The following PPIL2 variants were observed in gnomAD, a reference collection of about 807,000 sequenced individuals.
PPIL2 encodes the protein RING-type E3 ubiquitin-protein ligase PPIL2.
A neutral mutation model predicts 75.2 loss-of-function variants in PPIL2; 50 were observed. That is an observed-to-expected ratio of 0.66 (90% CI 0.53 to 0.84). The LOEUF (loss-of-function observed/expected upper bound fraction) is 0.84. Among genes scored for constraint, PPIL2 ranks in the 40% least tolerant of loss-of-function variants. The pLI is 0.00. For synonymous variants in PPIL2, 245 were observed against 258.8 expected, an observed-to-expected ratio of 0.95 and a Z score of 0.51; for missense variants, 590 against 685.0, an observed-to-expected ratio of 0.86 and a Z score of 1.55.
chr22:21,682,102 C>T (rs1008252059), intron 7 of PPIL2, among the ~76,000 whole-genome samples: 17 of 152,226 alleles, frequency 1.1e-4, no homozygotes, highest in African/African-American at 4.1e-4. Context: ...CCCACGGGGG[C>T]CTGGCACCAT....
At position 21,686,895 on chromosome 22, in the gene PPIL2, C is replaced by T. The variant is rs1311913395; in HGVS notation, c.794C>T (p.Ala265Val). Residue 265 changes from alanine (A) to valine (V), a missense_variant, in exon 12 of 20, where the codon GCC becomes GTC. Physicochemically the swap from Ala to Val is moderately conservative, Grantham distance 64. Transcript: ENST00000398831. ...MVPETTHEAA[A>V]IDEDVLRYQF... is the part of the protein sequence containing the mutation. ...GAGCTGGGACCTTGGCTTGTAGCTGCCATCGACGAGGATGTGCTGCGCTAC... is the reference window on the plus strand; with the variant it reads ...GAGCTGGGACCTTGGCTTGTAGCTGTCATCGACGAGGATGTGCTGCGCTAC... 1 of 1,613,904 alleles carries T rather than the reference C, an allele frequency of 6.2e-7. No homozygotes were observed.
At chr22:21,681,022 A>G (rs1273523754) in intron 6 of PPIL2, among the ~76,000 whole-genome samples, 1 of 152,060 alleles carries the variant, frequency 6.6e-6, no homozygotes, top group Non-Finnish European at 1.5e-5. Flanking sequence ...GGAGGAGGCT[A>G]GCATGGTGAT....
At chr22:21,675,949 CT>C (rs1342820743) in intron 6 of PPIL2, among the ~76,000 whole-genome samples, 1 of 152,276 alleles carries the variant, frequency 6.6e-6, no homozygotes, top group Non-Finnish European at 1.5e-5. Context: ...CAGCCCACCC[CT>C]GCCCAGGTGG....
In PPIL2 at chr22:21,696,749, A is replaced by G. The variant is rs1370046721; in HGVS notation, c.*1259A>G. On this transcript the variant is annotated 3_prime_UTR_variant, in exon 20 of 20. Coordinates refer to ENST00000398831, the MANE Select transcript of PPIL2 (RefSeq NM_014337.4). ...GCCCCAAATCTTGAACCTGTCAGCA[A>G]CTTGCAGGCTGTACCTCTGCCCTTC... 1.3e-6 allele frequency: 2 copies of G among 1,541,304 alleles called. No homozygotes were observed. Among genetic ancestry groups the G allele is most frequent in the Admixed American group, 2.0e-5 (1 of 51,000 alleles).
rs1601615179 is a variant in PPIL2 at position 21,697,079 on chromosome 22, G to A, written c.*1589G>A. The A allele has an allele frequency of 9.1e-6, 12 of 1,321,132 alleles. No individual in the cohort carries two copies. The highest frequency in any genetic ancestry group is 2.6e-4 in the Middle Eastern group (1 of 3,824). 81.8% of individuals were successfully genotyped at this position (1,321,132 alleles called of 1,614,324 possible). ...CCTGGGCTCTAGAGTGACTTTTGAC[G>A]CCCTCCATCCCTCCCGCCAGGCACT... On this transcript the variant is annotated 3_prime_UTR_variant, in exon 20 of 20. Transcript: ENST00000398831.
intron 15 of PPIL2, among the ~76,000 whole-genome samples, chr22:21,693,150 C>T (rs2067755710): frequency 1.3e-5 from 2 of 151,990 alleles, no homozygotes; most frequent in Non-Finnish European, 2.9e-5. Flanking sequence ...CAGGTTAAAG[C>T]GATTCTCCTG....
In PPIL2 at chr22:21,697,124, G is replaced by A; in HGVS notation, c.*1634G>A. 1 of 877,872 alleles carries A rather than the reference G, an allele frequency of 1.1e-6. No individual in the cohort carries two copies. The highest frequency in any genetic ancestry group is 1.7e-6 in the Non-Finnish European group (1 of 585,776). The allele number at this position is 877,872 out of a possible 1,614,324, so 54.4% of individuals were successfully genotyped here. On this transcript the variant is annotated 3_prime_UTR_variant, in exon 20 of 20. Coordinates refer to ENST00000398831, the MANE Select transcript of PPIL2 (RefSeq NM_014337.4). ...GGCACTGTCCTCCGCAAGGCCTGGT[G>A]CAGCCCTGGCAGTAACTGGCTTGTA...
In PPIL2 at chr22:21,696,792, T is replaced by G; in HGVS notation, c.*1302T>G. On this transcript the variant is annotated 3_prime_UTR_variant, in exon 20 of 20. Coordinates refer to ENST00000398831, the MANE Select transcript of PPIL2 (RefSeq NM_014337.4). ...TGCCCTTCCTTTTCTCATCAATCAC[T>G]GATGCTGAAGCTGCAGGCCTGAGCC... The G allele has an allele frequency of 1.3e-6, 2 of 1,549,534 alleles. No homozygotes were observed. The highest frequency in any genetic ancestry group is 2.4e-5 in the South Asian group (2 of 84,092).
In PPIL2 at chr22:21,688,773, C is replaced by T. The variant is rs200325955; in HGVS notation, c.1063C>T (p.Arg355Trp). 5.0e-6 allele frequency: 8 copies of T among 1,614,204 alleles called. No homozygotes were observed. Among genetic ancestry groups the T allele is most frequent in the African/African-American group, 1.3e-5 (1 of 75,066 alleles). ...YWGKPFKDEF[R>W]PNLSHTGRGI... ...GGGGAAGCCCTTCAAAGACGAGTTC[C>T]GGCCCAACCTCTCGCACACGGGCCG... Residue 355 changes from arginine (R) to tryptophan (W), a missense_variant, in exon 15 of 20, where the codon CGG (arginine) becomes TGG (tryptophan). Transcript: ENST00000398831.
In PPIL2 at chr22:21,695,688, G is replaced by A. The variant is rs2067897394; in HGVS notation, c.*198G>A. 1.4e-6 allele frequency: 2 copies of A among 1,392,120 alleles called. No individual in the cohort carries two copies. Among genetic ancestry groups the A allele is most frequent in the South Asian group, 1.5e-5 (1 of 66,852 alleles). 86.2% of individuals were successfully genotyped at this position (1,392,120 alleles called of 1,614,324 possible). A position where few individuals can be genotyped will look rare whatever the true frequency, so the allele number is the denominator to read the frequency against. On this transcript the variant is annotated 3_prime_UTR_variant, in exon 20 of 20. Transcript: ENST00000398831. Reference sequence around the variant, plus strand: ...ACCTGTTGCCAAGGGCCTTGGCCCTGTTTCCAGGACCTGGCCCAGCCAGAG... The same window carrying A: ...ACCTGTTGCCAAGGGCCTTGGCCCTATTTCCAGGACCTGGCCCAGCCAGAG...
intron 14 of PPIL2, among the ~76,000 whole-genome samples, chr22:21,688,513 C>T (rs578262113): frequency 3.7e-4 from 56 of 152,284 alleles, no homozygotes; most frequent in South Asian, 2.1e-4. Context: ...AGGCCCCAGG[C>T]GGGGCTGGGG....
chr22:21,678,192 T>G (rs895169616), intron 6 of PPIL2, among the ~76,000 whole-genome samples: 1 of 152,124 alleles, frequency 6.6e-6, no homozygotes, highest in Non-Finnish European at 1.5e-5. Context: ...CCAGCCTTTT[T>G]TTTTCTTTTA....
In PPIL2 at chr22:21,688,799, C is replaced by A. The variant is rs373301601; in HGVS notation, c.1089C>A (p.Arg363=). The A allele has an allele frequency of 6.2e-7, 1 of 1,614,090 alleles. No individual in the cohort carries two copies. The highest frequency in any genetic ancestry group is 1.3e-5 in the African/African-American group (1 of 74,928). Residue 363 remains arginine, a synonymous_variant, in exon 15 of 20, where the codon CGC becomes CGA. Transcript: ENST00000398831. ...EFRPNLSHTG[R]GILSMANSGP... is the part of the protein sequence containing the mutation. ...GGCCCAACCTCTCGCACACGGGCCG[C>A]GGCATCCTCAGCATGGCCAACTCCG...
intron 1 of PPIL2, chr22:21,669,573 T>C: frequency 2.9e-6 from 1 of 344,090 alleles, no homozygotes; most frequent in Non-Finnish European, 5.7e-6. Flanking sequence ...TGATCTTGGC[T>C]GACTGCAACC....
intron 10 of PPIL2, 79 bp from the exon 11 acceptor site, chr22:21,686,404 G>T: frequency 1.4e-6 from 2 of 1,386,980 alleles, no homozygotes; most frequent in South Asian, 1.2e-5. Flanking sequence ...GCGTGTGGTT[G>T]GCTTCTAGGC....
intron 8 of PPIL2, 33 bp from the exon 9 acceptor site, chr22:21,683,149 T>A: frequency 1.1e-5 from 17 of 1,578,686 alleles, no homozygotes; most frequent in Non-Finnish European, 1.5e-5. Flanking sequence ...GTAGGCTGGG[T>A]TCACTCTGCT....
chr22:21,692,375 CG>C (rs1368859917), intron 15 of PPIL2, among the ~76,000 whole-genome samples: 6 of 151,280 alleles, frequency 4.0e-5, no homozygotes, highest in Non-Finnish European at 8.8e-5. Context: ...AGGATGGTCT[CG>C]ATCTCCTGAC....
intron 6 of PPIL2, among the ~76,000 whole-genome samples, chr22:21,680,269 G>A (rs2034570): frequency 0.3 from 45,736 of 151,868 alleles, 7,093 homozygotes; most frequent in Non-Finnish European, 0.35. Flanking sequence ...GCTCATGCCT[G>A]TAATGCCAGC....
Position 21,696,254 on chromosome 22 carries a change from G to A in PPIL2, c.*764G>A. 4.9e-6 allele frequency: 5 copies of A among 1,023,096 alleles called. No individual in the cohort carries two copies. The highest frequency in any genetic ancestry group is 1.7e-5 in the African/African-American group (1 of 58,018). 63.4% of individuals were successfully genotyped at this position (1,023,096 alleles called of 1,614,324 possible). A position where few individuals can be genotyped will look rare whatever the true frequency, so the allele number is the denominator to read the frequency against. ...AGGGCCCTGCTCACCTGCTCTGGCT[G>A]TGAACCACCTGGGCTTCATCTCAAG... is the stretch of plus-strand genomic sequence containing the variant. On this transcript the variant is annotated 3_prime_UTR_variant, in exon 20 of 20. Coordinates refer to ENST00000398831, the MANE Select transcript of PPIL2 (RefSeq NM_014337.4).
Sources: gnomAD v4.1 joint callset for allele counts (sites outside exome capture counted in the v4.1 genomes callset) on GRCh38, gnomAD v4.1.1 for gene constraint, MANE v1.5 for transcripts, NCBI Gene and HGNC (gene_info 2026-07-23, HGNC 2026-07-21) for gene names.